Variants in FREM1 observed in about 807,000 individuals in gnomAD.
The protein encoded by FREM1 is FRAS1 related extracellular matrix 1, also known as FRAS1-related extracellular matrix protein 1.
A neutral mutation model predicts 210.1 loss-of-function variants in FREM1; 220 were observed. The ratio of observed to expected loss-of-function variants is 1.05; its 90% confidence interval spans 0.94 to 1.17. The LOEUF (loss-of-function observed/expected upper bound fraction) is 1.17. Among genes scored for constraint, FREM1 ranks in the 50% most tolerant of loss-of-function variants. The pLI, the probability that FREM1 is intolerant of heterozygous loss-of-function variation, is 0.00. For missense variants in FREM1, 3,454 were observed against 2,675.5 expected (o/e 1.29, Z -6.42); for synonymous variants, 1,189 against 980.2 (o/e 1.21, Z -3.98).
chr9:14,744,783 T>C (rs961460353), intron 35 of FREM1, among the ~76,000 whole-genome samples: 3 of 152,234 alleles, frequency 2.0e-5, no homozygotes, highest in Non-Finnish European at 4.4e-5. Context: ...TGTTAGGTCA[T>C]AGGGTAGATG....
chr9:14,864,440 G>C (rs1889050), intron 2 of FREM1, among the ~76,000 whole-genome samples: 20,461 of 152,132 alleles, frequency 0.13, 1,808 homozygotes, highest in Middle Eastern at 0.22. Flanking sequence ...TGGTTAATCA[G>C]AGCCTAACAT....
At chr9:14,869,872 A>G (rs72713607) in intron 1 of FREM1, among the ~76,000 whole-genome samples, 9,379 of 152,296 alleles carry the variant, frequency 0.062, 350 homozygotes, top group East Asian at 0.14. Context: ...GAGGTGACAT[A>G]GCTTCAGCAC....
Position 14,882,117 on chromosome 9 carries a change from G to T in FREM1, c.-267-12873C>A, listed in dbSNP as rs569032077. On this transcript the variant is annotated intron_variant, in intron 1 of 36. Coordinates refer to ENST00000380880, the MANE Select transcript of FREM1 (RefSeq NM_001379081.2). ...TTAACTCACTGTTATTATTTTGTGT[G>T]TGTGTGTGTGACTCATGACTGAACT... 2.0e-3 allele frequency among the ~76,000 whole-genome samples: 305 copies of T among 152,216 alleles called. 1 individual carries two copies. The highest frequency in any genetic ancestry group is 6.9e-3 in the African/African-American group (286 of 41,520).
At chr9:14,822,752 T>C (rs994868404) in intron 13 of FREM1, among the ~76,000 whole-genome samples, 6 of 152,202 alleles carry the variant, frequency 3.9e-5, no homozygotes, top group African/African-American at 1.2e-4. Flanking sequence ...TTGATTCATT[T>C]TGGAAAATTA....
At chr9:14,741,620 A>G (rs1168376592) in intron 35 of FREM1, among the ~76,000 whole-genome samples, 1 of 152,176 alleles carries the variant, frequency 6.6e-6, no homozygotes, top group African/African-American at 2.4e-5. Context: ...CACAATATGA[A>G]ACTTGGGTTA....
At chr9:14,903,112 T>C (rs572279847) in intron 1 of FREM1, among the ~76,000 whole-genome samples, 46 of 152,340 alleles carry the variant, frequency 3.0e-4, no homozygotes, top group African/African-American at 1.1e-3. Flanking sequence ...TTCCAAAATT[T>C]CTAAGAGCTT....
chr9:14,756,461 A>C lies in FREM1; in HGVS notation c.5335-15T>G, dbSNP rs1220401432. On this transcript the variant is annotated splice_polypyrimidine_tract_variant and intron_variant, in intron 28 of 36. Transcript: ENST00000380880. ...ACTTGGTTGACCTTAGGAGGGAAAA[A>C]AAAATCTTTTTAAGATAAAAATAAA... The C allele has an allele frequency of 1.3e-6, 2 of 1,562,454 alleles. No homozygotes were observed. The highest frequency in any genetic ancestry group is 2.7e-5 in the African/African-American group (2 of 73,038).
At chr9:14,897,420 C>T (rs1837930409) in intron 1 of FREM1, among the ~76,000 whole-genome samples, 1 of 151,804 alleles carries the variant, frequency 6.6e-6, no homozygotes. Flanking sequence ...AACGGGGGCC[C>T]AAAGAGGCTA....
Position 14,842,459 on chromosome 9 carries a change from A to C in FREM1, c.1595T>G (p.Leu532Arg). 3 of 1,614,000 alleles carry C rather than the reference A, an allele frequency of 1.9e-6. No homozygotes were observed. The highest frequency in any genetic ancestry group is 2.5e-6 in the Non-Finnish European group (3 of 1,179,864). The change falls in exon 9 of 37, where the codon CTG becomes CGG. Residue 532 changes from leucine (L) to arginine (R), a missense_variant. Physicochemically the swap from Leu to Arg is moderately radical, Grantham distance 102 (BLOSUM62 -2). Transcript: ENST00000380880. ...PFLITNVVIE[L>R]EEGQTILIQG... The stretch of plus-strand genomic sequence containing the variant: ...GATCAGGATGGTCTGCCCCTCCTCC[A>C]GTTCAATCACAACATTGGTTATGAG...
chr9:14,747,146 A>G, intron 33 of FREM1, 95 bp from the exon 34 acceptor site: 1 of 1,589,082 alleles, frequency 6.3e-7, no homozygotes. Context: ...GTTGGGAAGC[A>G]TTTGTGTTGG....
rs1290649795 is a variant in FREM1 at position 14,869,107 on chromosome 9, G to A, written c.-130C>T. 7 of 603,878 alleles carry A rather than the reference G, an allele frequency of 1.2e-5. No individual in the cohort carries two copies. The highest frequency in any genetic ancestry group is 1.7e-5 in the Non-Finnish European group (6 of 350,380). The allele number at this position is 603,878 out of a possible 1,614,324, so 37.4% of individuals were successfully genotyped here. A position where few individuals can be genotyped will look rare whatever the true frequency, so the allele number is the denominator to read the frequency against. On this transcript the variant is annotated 5_prime_UTR_variant, in exon 2 of 37. Coordinates refer to ENST00000380880, the MANE Select transcript of FREM1 (RefSeq NM_001379081.2). ...GTGAGGGGTCCTGACAATGTGCCCC[G>A]AGATCTTAACATGCCCCTTTCATTT...
intron 29 of FREM1, among the ~76,000 whole-genome samples, chr9:14,755,311 G>A (rs139292456): frequency 2.0e-5 from 3 of 152,346 alleles, no homozygotes; most frequent in Admixed American, 1.3e-4. Context: ...ATTTTGAGGT[G>A]GTGCTGGTAC....
chr9:14,823,100 T>A, intron 13 of FREM1, 60 bp downstream of exon 13: 1 of 1,292,536 alleles, frequency 7.7e-7, no homozygotes, highest in Non-Finnish European at 1.1e-6. Flanking sequence ...TTCTAGTAGG[T>A]CTTCAAGTCT....
At chr9:14,784,800 G>A (rs1276035324) in intron 23 of FREM1, among the ~76,000 whole-genome samples, 166 bp from the exon 24 acceptor site, 1 of 152,188 alleles carries the variant, frequency 6.6e-6, no homozygotes, top group African/African-American at 2.4e-5. Flanking sequence ...AAAGGCATGA[G>A]CAGATATTTC....
chr9:14,844,253 T>C (rs1461473040), intron 8 of FREM1, among the ~76,000 whole-genome samples: 1 of 148,128 alleles, frequency 6.8e-6, no homozygotes, highest in Non-Finnish European at 1.5e-5. Context: ...TTAGACGGAG[T>C]CTCCCTCTGT....
chr9:14,855,229 C>T (rs1828518022), intron 5 of FREM1, among the ~76,000 whole-genome samples: 2 of 151,946 alleles, frequency 1.3e-5, no homozygotes, highest in African/African-American at 4.8e-5. Context: ...AATAAAAGAG[C>T]TAGCCTTGAA....
intron 25 of FREM1, 80 bp from the exon 26 acceptor site, chr9:14,770,886 A>G (rs1847450052): frequency 1.0e-6 from 1 of 967,712 alleles, no homozygotes; most frequent in Non-Finnish European, 1.6e-6. Flanking sequence ...TGGTTCAACA[A>G]TGACACACTG....
rs551721970 is a variant in FREM1, at chr9:14,809,860, G to T, written c.2894-1726C>A. 2.7e-5 allele frequency among the ~76,000 whole-genome samples: 4 copies of T among 148,544 alleles called. No homozygotes were observed. The East Asian group carries it at 8.0e-4, about 30-fold the overall frequency. The stretch of plus-strand genomic sequence containing the variant: ...GTCTAATGGTAGAGAAGGAAATGCA[G>T]TGTGGTTAGAATAGCACAGATGTAT... On this transcript the variant is annotated intron_variant, in intron 16 of 36. Coordinates refer to ENST00000380880, the MANE Select transcript of FREM1 (RefSeq NM_001379081.2).
chr9:14,883,198 C>A (rs1442393589), intron 1 of FREM1, among the ~76,000 whole-genome samples: 1 of 151,942 alleles, frequency 6.6e-6, no homozygotes, highest in Non-Finnish European at 1.5e-5. Context: ...AGTCTTACAA[C>A]AGAATACATA....
Sources: allele counts gnomAD v4.1 joint callset (sites outside exome capture counted in the v4.1 genomes callset), GRCh38; gene constraint gnomAD v4.1.1; transcripts MANE v1.5; gene names NCBI Gene and HGNC (gene_info 2026-07-23, HGNC 2026-07-21).